Variants in NR3C2 observed in about 807,000 individuals in gnomAD.
NR3C2 encodes mineralocorticoid receptor.
NR3C2 carries 15 observed loss-of-function variants against 86.4 expected under a neutral mutation model. The observed-to-expected ratio is 0.17, with a 90% CI of 0.12 to 0.27. The LOEUF (loss-of-function observed/expected upper bound fraction) is 0.27, where lower values mean the gene tolerates loss of function less well. Among genes scored for constraint, NR3C2 ranks in the 10% least tolerant of loss-of-function variants. The probability of loss-of-function intolerance (pLI) is 1.00; values close to 1 mark genes in which losing one functional copy is unlikely to be tolerated. For missense variants in NR3C2, 960 were observed against 1,195.6 expected, an observed-to-expected ratio of 0.80 and a Z score of 2.91; for synonymous variants, 458 against 450.5, an observed-to-expected ratio of 1.02 and a Z score of -0.21.
At chr4:148,350,076 C>T (rs1326840953) in intron 2 of NR3C2, among the ~76,000 whole-genome samples, 1 of 152,030 alleles carries the variant, frequency 6.6e-6, no homozygotes, top group African/African-American at 2.4e-5. Context: ...TAGTATTGTC[C>T]CAGGTGCTTT....
intron 2 of NR3C2, among the ~76,000 whole-genome samples, chr4:148,361,654 T>C (rs561139108): frequency 6.6e-6 from 1 of 152,332 alleles, no homozygotes; most frequent in Admixed American, 6.5e-5. Flanking sequence ...GCTGTTAAAC[T>C]GGAGTTAATA....
At chr4:148,259,928 C>G (rs1740011941) in intron 3 of NR3C2, 50 bp downstream of exon 3, 1 of 1,611,344 alleles carries the variant, frequency 6.2e-7, no homozygotes, top group Non-Finnish European at 8.5e-7. Context: ...TACAAGTAAA[C>G]TACACACTAG....
intron 8 of NR3C2, among the ~76,000 whole-genome samples, chr4:148,082,438 C>T (rs951528681): frequency 6.6e-6 from 1 of 152,122 alleles, no homozygotes; most frequent in Non-Finnish European, 1.5e-5. Flanking sequence ...GGTGGGGCGT[C>T]GCCTCACCCG....
At chr4:148,274,980 G>A (rs1020814144) in intron 2 of NR3C2, among the ~76,000 whole-genome samples, 1 of 152,128 alleles carries the variant, frequency 6.6e-6, no homozygotes, top group African/African-American at 2.4e-5. Flanking sequence ...TTACAGGCAT[G>A]AGCCACCGCA....
intron 3 of NR3C2, among the ~76,000 whole-genome samples, chr4:148,198,088 T>C (rs1736525650): frequency 6.6e-6 from 1 of 151,804 alleles, no homozygotes; most frequent in African/African-American, 2.4e-5. Context: ...GTAAAACAAA[T>C]TGAAAGACTT....
chr4:148,224,162 A>G (rs907201299), intron 3 of NR3C2, among the ~76,000 whole-genome samples: 2 of 152,074 alleles, frequency 1.3e-5, no homozygotes, highest in Non-Finnish European at 2.9e-5. Flanking sequence ...GAGGAAAAAG[A>G]CCAAACTAGC....
At position 148,114,026 on chromosome 4, in the gene NR3C2, G is replaced by C. The variant is rs1732162162; in HGVS notation, c.2799+78C>G. On this transcript the variant is annotated intron_variant, in intron 8 of 8. Coordinates refer to ENST00000358102, the MANE Select transcript of NR3C2 (RefSeq NM_000901.5). ...TAGCATGACACCCTGAAAACTCTCA[G>C]TCTCTGTTTCCTTTGGTCAGCAGTG... 6 of 1,551,888 alleles carry C rather than the reference G, an allele frequency of 3.9e-6. No homozygotes were observed. The Admixed American group carries it at 1.0e-4, about 27-fold the overall frequency.
At chr4:148,230,241 T>A (rs1241730442) in intron 3 of NR3C2, among the ~76,000 whole-genome samples, 1 of 152,234 alleles carries the variant, frequency 6.6e-6, no homozygotes, top group East Asian at 1.9e-4. Flanking sequence ...TTGCCCAGGC[T>A]GGAGTGCAGT....
intron 2 of NR3C2, chr4:148,368,536 T>C (rs1283559779): frequency 6.6e-6 from 1 of 152,162 alleles, no homozygotes; most frequent in African/African-American, 2.4e-5. Flanking sequence ...ATTAATAAAA[T>C]GAACATGGTA....
At chr4:148,400,408 G>T (rs1487721091) in intron 2 of NR3C2, among the ~76,000 whole-genome samples, 2 of 152,136 alleles carry the variant, frequency 1.3e-5, no homozygotes, top group Admixed American at 6.5e-5. Flanking sequence ...TGCTCTTGGA[G>T]ATTGTTCCCA....
chr4:148,230,370 A>AT (rs1277355602), intron 3 of NR3C2, among the ~76,000 whole-genome samples: 1 of 151,690 alleles, frequency 6.6e-6, no homozygotes, highest in Non-Finnish European at 1.5e-5. Flanking sequence ...ATTTTTTTGT[A>AT]TTTTTTAGTA....
chr4:148,369,040 T>C (rs1746285101), intron 2 of NR3C2, among the ~76,000 whole-genome samples: 4 of 152,198 alleles, frequency 2.6e-5, no homozygotes, highest in Admixed American at 2.0e-4. Context: ...CACCATTAAC[T>C]ACATTCTGTA....
intron 3 of NR3C2, among the ~76,000 whole-genome samples, chr4:148,205,125 C>CA (rs1233242437): frequency 2.0e-5 from 3 of 152,164 alleles, no homozygotes; most frequent in Non-Finnish European, 4.4e-5. Context: ...AGGCATAGCC[C>CA]AGTTTCTGAA....
intron 3 of NR3C2, among the ~76,000 whole-genome samples, chr4:148,229,834 A>G (rs187942586): frequency 9.7e-4 from 148 of 152,304 alleles, no homozygotes; most frequent in African/African-American, 2.8e-3. Context: ...ATTGTAGCCT[A>G]TGTATCACTC....
intron 2 of NR3C2, among the ~76,000 whole-genome samples, chr4:148,345,317 C>T (rs768856310): frequency 2.6e-5 from 4 of 151,560 alleles, no homozygotes; most frequent in Non-Finnish European, 5.9e-5. Context: ...AACACAGACC[C>T]ATGTAAATAA....
chr4:148,444,959 C>G (rs776777418), upstream of NR3C2: 587 of 984,918 alleles, frequency 6.0e-4, 1 homozygote, highest in Non-Finnish European at 7.0e-4. Context: ...CTCCGGCGGC[C>G]GAGCGCGTGT....
Position 148,435,110 on chromosome 4 carries a change from A to G in NR3C2, c.1751T>C (p.Val584Ala). 3 of 1,614,198 alleles carry G rather than the reference A, an allele frequency of 1.9e-6. No individual in the cohort carries two copies. The highest frequency in any genetic ancestry group is 2.5e-6 in the Non-Finnish European group (3 of 1,180,012). ...ATGGAGAAAACCAACTTACCTTGAT[A>G]CATTTTCTGGAATGTATTCTAAGAC... ...YPVLEYIPENVSSSTLRSVST... is the reference protein window; with the variant it reads ...YPVLEYIPENASSSTLRSVST... The change falls in exon 2 of 9, where the codon GTA (valine) becomes GCA (alanine). Residue 584 changes from valine (V) to alanine (A), a missense_variant. By Grantham distance (64) the Val-to-Ala change is moderately conservative. This residue lies in a region of NR3C2 where 680 missense variants were observed against 719.0 expected (regional missense o/e 0.95). Coordinates refer to ENST00000358102, the MANE Select transcript of NR3C2 (RefSeq NM_000901.5).
At chr4:148,126,162 G>C (rs990853442) in intron 6 of NR3C2, among the ~76,000 whole-genome samples, 6 of 152,210 alleles carry the variant, frequency 3.9e-5, no homozygotes, top group Non-Finnish European at 7.3e-5. Flanking sequence ...TTTGTGATCT[G>C]GTAGCATGTG....
At chr4:148,367,264 C>T (rs75334268) in intron 2 of NR3C2, among the ~76,000 whole-genome samples, 1,670 of 152,198 alleles carry the variant, frequency 0.011, 25 homozygotes, top group African/African-American at 0.038. Context: ...GTGGTTTCAA[C>T]GAATGCAATT....
Sources: allele counts gnomAD v4.1 joint callset (sites outside exome capture counted in the v4.1 genomes callset), GRCh38; gene constraint gnomAD v4.1.1; regional missense constraint gnomAD v4.1.1; transcripts MANE v1.5; gene names NCBI Gene and HGNC (gene_info 2026-07-23, HGNC 2026-07-21).